ETV1: variants seen among roughly 807,000 people sequenced by gnomAD.
ETV1 encodes ETS variant transcription factor 1, also known as ETS translocation variant 1.
In ETV1, 27 loss-of-function variants were observed where a neutral mutation model predicts 62.3. The ratio of observed to expected loss-of-function variants is 0.43; its 90% CI spans 0.32 to 0.60. The LOEUF is 0.60. ETV1 is among the 20% of genes least tolerant of loss of function. The pLI is 0.06. For missense variants in ETV1, 605 were observed against 605.8 expected (o/e 1.00, Z 0.01); for synonymous variants, 222 against 199.6 (o/e 1.11, Z -0.94).
intron 6 of ETV1, among the ~76,000 whole-genome samples, chr7:13,971,162 G>T (rs1323766181): frequency 6.6e-6 from 1 of 152,006 alleles, no homozygotes; most frequent in African/African-American, 2.4e-5. Flanking sequence ...GTAGAGACGG[G>T]GTTTCGCCAT....
At chr7:13,961,933 T>C (rs1790213963) in intron 6 of ETV1, among the ~76,000 whole-genome samples, 1 of 152,142 alleles carries the variant, frequency 6.6e-6, no homozygotes, top group African/African-American at 2.4e-5. Context: ...CTATTTACAG[T>C]ATGTGTAGAT....
chr7:13,905,423 T>C (rs1782858961), intron 12 of ETV1, among the ~76,000 whole-genome samples: 1 of 152,218 alleles, frequency 6.6e-6, no homozygotes, highest in Admixed American at 6.5e-5. Context: ...CATTGCTTTT[T>C]TGGCTGATAT....
At position 13,935,847 on chromosome 7, in the gene ETV1, T is replaced by A; in HGVS notation, c.415A>T (p.Thr139Ser). 6.2e-7 allele frequency: 1 copy of A among 1,613,480 alleles called. No individual in the cohort carries two copies. Among genetic ancestry groups the A allele is most frequent in the Non-Finnish European group, 8.5e-7 (1 of 1,179,722 alleles). ...GGGGACACTGGCGTGCTGGATGGTG[T>A]GGGGGGGTTGGAGGGCCTCATTCCC... is the stretch of plus-strand genomic sequence containing the variant. ...QVGMRPSNPP[T>S]PSSTPVSPLH... The change falls in exon 8 of 14, where the codon ACA becomes TCA. Residue 139 changes from threonine to serine, a missense_variant. Transcript: ENST00000430479.
intron 6 of ETV1, among the ~76,000 whole-genome samples, chr7:13,976,952 T>A (rs1325967510): frequency 2.6e-5 from 4 of 152,200 alleles, no homozygotes; most frequent in Admixed American, 2.6e-4. Context: ...TGACAATTCA[T>A]GAATGTACAA....
At chr7:13,976,860 A>T (rs1781498634) in intron 6 of ETV1, among the ~76,000 whole-genome samples, 1 of 152,198 alleles carries the variant, frequency 6.6e-6, no homozygotes, top group African/African-American at 2.4e-5. Context: ...AAGAACCCTG[A>T]GAGAAGCCAA....
At chr7:13,933,561 G>A (rs1274025222) in intron 8 of ETV1, among the ~76,000 whole-genome samples, 1 of 152,202 alleles carries the variant, frequency 6.6e-6, no homozygotes, top group African/African-American at 2.4e-5. Flanking sequence ...GCAGGGTGCA[G>A]GCCAGTTGGC....
chr7:13,985,039 G>T (rs1215231184), intron 5 of ETV1, among the ~76,000 whole-genome samples: 1 of 151,848 alleles, frequency 6.6e-6, no homozygotes, highest in Non-Finnish European at 1.5e-5. Flanking sequence ...CTGCCAGCAA[G>T]TGCACTGACT....
At chr7:13,917,288 GTATTTATT>G (rs71548060) in intron 9 of ETV1, among the ~76,000 whole-genome samples, 6,159 of 145,204 alleles carry the variant, frequency 0.042, 152 homozygotes, top group African/African-American at 0.062. Context: ...GTAACTTTGA[GTATTTATT>G]TATTTATTTA....
In ETV1 at chr7:13,989,076, G is replaced by C. The variant is rs745809299; in HGVS notation, c.-24C>G. The C allele has an allele frequency of 2.9e-5, 44 of 1,543,096 alleles. No homozygotes were observed. Among genetic ancestry groups the C allele is most frequent in the Non-Finnish European group, 3.7e-5 (43 of 1,149,568 alleles). On this transcript the variant is annotated 5_prime_UTR_variant, in exon 3 of 14. Transcript: ENST00000430479. Reference sequence around the variant, plus strand: ...ATGCTGCTGCTCTTCGCAAATCTCAGCTCAGTATTTTATATTTTGAGCATT... The same window carrying C: ...ATGCTGCTGCTCTTCGCAAATCTCACCTCAGTATTTTATATTTTGAGCATT...
At chr7:13,947,392 CAAAAAA>C (rs11352949) in intron 6 of ETV1, among the ~76,000 whole-genome samples, 4 of 86,496 alleles carry the variant, frequency 4.6e-5, no homozygotes, top group South Asian at 3.7e-4. Context: ...ACTAACTATA[CAAAAAA>C]AAAAAAAAAA....
chr7:13,905,004 G>A (rs1374117487), intron 12 of ETV1, among the ~76,000 whole-genome samples: 2 of 149,538 alleles, frequency 1.3e-5, no homozygotes, highest in Admixed American at 6.8e-5. Flanking sequence ...TTCTGTGTGT[G>A]CGTGCTTGAT....
chr7:13,896,731 AAAAGAAAGAAAGG>A (rs1331739738), intron 13 of ETV1, among the ~76,000 whole-genome samples: 1 of 39,260 alleles, frequency 2.5e-5, no homozygotes, highest in African/African-American at 1.2e-4. Flanking sequence ...AAGAAAAAGA[AAAAGAAAGAAAGG>A]AAAGAAAGAA....
Position 13,895,204 on chromosome 7 carries a change from C to T in ETV1, c.*662G>A, listed in dbSNP as rs1339253710. 4.3e-6 allele frequency: 1 copy of T among 233,400 alleles called. No individual in the cohort carries two copies. Among genetic ancestry groups the T allele is most frequent in the Non-Finnish European group, 8.5e-6 (1 of 117,960 alleles). The allele number at this position is 233,400 out of a possible 1,614,324, so 14.5% of individuals were successfully genotyped here. A position where few individuals can be genotyped will look rare whatever the true frequency, so the allele number is the denominator to read the frequency against. On this transcript the variant is annotated 3_prime_UTR_variant, in exon 14 of 14. Coordinates refer to ENST00000430479, the MANE Select transcript of ETV1 (RefSeq NM_004956.5). ...CGCCAGAGTCCAAAATTGTGCCCCT[C>T]ATTTACAGTCATGGTGATTATTCAA...
rs1015103506 is a variant in ETV1 at position 13,906,547 on chromosome 7, C to T, written c.993G>A (p.Arg331=). Residue 331 remains arginine (R), a synonymous_variant, in exon 12 of 14, where the codon CGG becomes CGA. Coordinates refer to ENST00000430479, the MANE Select transcript of ETV1 (RefSeq NM_004956.5). The part of the protein sequence containing the change: ...GMYREGPTYQ[R]RGSLQLWQFL... ...ACTGCCAGAGCTGAAGTGATCCTCG[C>T]CGTTGGTATGTGGGTCCTTCCCGAT... is the stretch of plus-strand genomic sequence containing the variant. 6.2e-7 allele frequency: 1 copy of T among 1,612,468 alleles called. No individual in the cohort carries two copies.
chr7:13,941,175 C>T (rs1186295981), intron 6 of ETV1, among the ~76,000 whole-genome samples: 1 of 152,120 alleles, frequency 6.6e-6, no homozygotes, highest in Non-Finnish European at 1.5e-5. Flanking sequence ...GCTTAAGAGC[C>T]TCAAGAATCA....
At chr7:13,986,281 C>T in intron 5 of ETV1, 1 of 1,509,946 alleles carries the variant, frequency 6.6e-7, no homozygotes, top group East Asian at 2.5e-5. Context: ...AGCAAGCCAG[C>T]CGGGTTCTGG....
intron 5 of ETV1, among the ~76,000 whole-genome samples, chr7:13,984,103 C>T (rs1353539382): frequency 1.3e-5 from 2 of 151,872 alleles, no homozygotes; most frequent in Non-Finnish European, 2.9e-5. Context: ...TATCATATGA[C>T]ATATGACAAC....
Position 13,892,443 on chromosome 7 carries a change from A to G in ETV1, c.*3423T>C. 1 of 232,922 alleles carries G rather than the reference A, an allele frequency of 4.3e-6. No individual in the cohort carries two copies. Among genetic ancestry groups the G allele is most frequent in the Non-Finnish European group, 8.5e-6 (1 of 117,820 alleles). The allele number at this position is 232,922 out of a possible 1,614,324, so 14.4% of individuals were successfully genotyped here. On this transcript the variant is annotated 3_prime_UTR_variant, in exon 14 of 14. Transcript: ENST00000430479. ...GTGGTAAATAAAAGCAAACTCTAGTACTTTCAAATCCTAGATCCCTCAGCA... is the reference window on the plus strand; with the variant it reads ...GTGGTAAATAAAAGCAAACTCTAGTGCTTTCAAATCCTAGATCCCTCAGCA...
intron 6 of ETV1, among the ~76,000 whole-genome samples, chr7:13,941,077 A>G (rs541905432): frequency 2.6e-4 from 40 of 152,318 alleles, no homozygotes; most frequent in African/African-American, 9.4e-4. Context: ...AAGAAAAAAG[A>G]GAAATTTTGT....
Sources: gnomAD v4.1 joint callset for allele counts (sites outside exome capture counted in the v4.1 genomes callset) on GRCh38, gnomAD v4.1.1 for gene constraint, MANE v1.5 for transcripts, NCBI Gene and HGNC (gene_info 2026-07-23, HGNC 2026-07-21) for gene names.